The following NAA16 variants were observed in gnomAD, a reference collection of about 807,000 sequenced individuals.
The protein encoded by NAA16 is N-alpha-acetyltransferase 16, NatA auxiliary subunit.
A neutral mutation model predicts 110.3 loss-of-function variants in NAA16; 97 were observed. The ratio of observed to expected loss-of-function variants is 0.88; its 90% CI spans 0.75 to 1.04. The LOEUF (loss-of-function observed/expected upper bound fraction) is 1.04. Ranked by LOEUF, NAA16 falls within the 50% of genes least tolerant of loss-of-function variation. The pLI, the probability that NAA16 is intolerant of heterozygous loss-of-function variation, is 0.00. For synonymous variants in NAA16, 372 were observed against 330.6 expected (o/e 1.13, Z -1.36); for missense variants, 1,017 against 1,005.1 (o/e 1.01, Z -0.16).
intron 9 of NAA16, among the ~76,000 whole-genome samples, chr13:41,347,610 AG>A (rs2139460412): frequency 6.6e-6 from 1 of 152,256 alleles, no homozygotes; most frequent in Non-Finnish European, 1.5e-5. Context: ...ATGGTAGTCT[AG>A]ATGAAATTGT....
intron 9 of NAA16, among the ~76,000 whole-genome samples, chr13:41,350,844 T>TGGGCTCCTGGGCTTA (rs1033166984): frequency 1.3e-5 from 2 of 152,080 alleles, no homozygotes; most frequent in African/African-American, 4.8e-5. Context: ...AGGCTGGTCT[T>TGGGCTCCTGGGCTTA]GGGCTCCTGG....
intron 8 of NAA16, among the ~76,000 whole-genome samples, chr13:41,334,102 T>C (rs1005073542): frequency 1.3e-5 from 2 of 152,170 alleles, no homozygotes; most frequent in Non-Finnish European, 2.9e-5. Flanking sequence ...ATGATTTTTT[T>C]GCCTGTCTAG....
rs1302165115 is a variant in NAA16, at chr13:41,328,825, GA to G, written c.798del (p.Ala267LeufsTer7). ...AENWCYYEGL[E>X]KALQISTLEE... ...AAATTGGTGTTATTATGAAGGCTTG[GA>G]AAAAGCTCTACAAATTAGTATGTAA... is the stretch of plus-strand genomic sequence containing the variant. On this transcript the variant is annotated frameshift_variant, in exon 7 of 20. Coordinates refer to ENST00000379406, the MANE Select transcript of NAA16 (RefSeq NM_024561.5). LOFTEE classifies it high-confidence loss of function. The G allele has an allele frequency of 1.9e-6, 3 of 1,602,302 alleles. No homozygotes were observed. In the African/African-American group the frequency reaches 4.0e-5, roughly 21 times the overall value.
chr13:41,335,434 C>A (rs937844503), intron 8 of NAA16, among the ~76,000 whole-genome samples: 1 of 152,124 alleles, frequency 6.6e-6, no homozygotes, highest in East Asian at 1.9e-4. Context: ...TAAGAAACAG[C>A]GTCTCTTATT....
chr13:41,372,679 G>T, intron 16 of NAA16, 53 bp from the exon 17 acceptor site: 1 of 1,471,952 alleles, frequency 6.8e-7, no homozygotes. Flanking sequence ...ATAAAGTGAG[G>T]AAAATACTGT....
chr13:41,318,205 ATT>A (rs771469935), intron 2 of NAA16, among the ~76,000 whole-genome samples: 36 of 142,614 alleles, frequency 2.5e-4, no homozygotes, highest in African/African-American at 5.1e-4. Flanking sequence ...CTGCTTTGTA[ATT>A]TTTTTTTTTT....
Position 41,311,384 on chromosome 13 carries a change from C to G in NAA16, c.-145C>G. Reference sequence around the variant, plus strand: ...CACCCGTGCCGAACAGCCAGGCTGCCCAATTGCAACTGTAGACCAATGAAC... The same window carrying G: ...CACCCGTGCCGAACAGCCAGGCTGCGCAATTGCAACTGTAGACCAATGAAC... On this transcript the variant is annotated 5_prime_UTR_variant, in exon 1 of 20. Coordinates refer to ENST00000379406, the MANE Select transcript of NAA16 (RefSeq NM_024561.5). 1.4e-6 allele frequency: 1 copy of G among 725,046 alleles called. No individual in the cohort carries two copies. The highest frequency in any genetic ancestry group is 2.4e-4 in the Middle Eastern group (1 of 4,174). 44.9% of individuals were successfully genotyped at this position (725,046 alleles called of 1,614,324 possible).
At chr13:41,330,736 C>G (rs767321441) in intron 7 of NAA16, among the ~76,000 whole-genome samples, 3 of 151,898 alleles carry the variant, frequency 2.0e-5, no homozygotes, top group Non-Finnish European at 4.4e-5. Context: ...TAATTTATAT[C>G]TTTTGGAAGG....
chr13:41,320,823 G>A lies in NAA16; in HGVS notation c.401G>A (p.Arg134Gln), dbSNP rs1428409589. ...CAAATGAGAGACCTTGAAGGTTACC[G>A]AGTAAGTACTTCATTCTTAAATGTA... Reference protein sequence around the residue: ...QIQMRDLEGYRETRYQLLQLR... With the variant: ...QIQMRDLEGYQETRYQLLQLR... The change falls in exon 4 of 20, where the codon CGA becomes CAA. Residue 134 changes from arginine to glutamine, a missense_variant and splice_region_variant. Coordinates refer to ENST00000379406, the MANE Select transcript of NAA16 (RefSeq NM_024561.5). 1.6e-5 allele frequency: 25 copies of A among 1,591,410 alleles called. No individual in the cohort carries two copies. The highest frequency in any genetic ancestry group is 2.0e-5 in the Non-Finnish European group (24 of 1,172,914).
intron 8 of NAA16, 113 bp downstream of exon 8, chr13:41,331,482 G>T: frequency 1.5e-6 from 1 of 669,596 alleles, no homozygotes; most frequent in Admixed American, 2.8e-5. Context: ...CAGTCTTGGA[G>T]TTGGGAGTGA....
intron 13 of NAA16, chr13:41,362,665 T>C (rs2043136517): frequency 7.9e-7 from 1 of 1,259,328 alleles, no homozygotes. Context: ...TGATGTGCCT[T>C]AGTGAGGGGA....
intron 10 of NAA16, among the ~76,000 whole-genome samples, chr13:41,355,573 G>C (rs1430330411): frequency 1.3e-5 from 2 of 152,160 alleles, no homozygotes; most frequent in Non-Finnish European, 2.9e-5. Context: ...GGGATTACAG[G>C]CGCCTGCCAC....
intron 18 of NAA16, 135 bp from the exon 19 acceptor site, chr13:41,374,607 T>C (rs1022672630): frequency 5.1e-6 from 3 of 584,022 alleles, no homozygotes; most frequent in Non-Finnish European, 9.0e-6. Context: ...TTGGCTCTCT[T>C]GAGCTGGTAG....
intron 13 of NAA16, among the ~76,000 whole-genome samples, chr13:41,364,315 A>G (rs1265224992): frequency 1.3e-5 from 2 of 152,180 alleles, no homozygotes; most frequent in East Asian, 3.8e-4. Flanking sequence ...GTCAGGATAC[A>G]TACTGCTTTG....
chr13:41,369,210 A>C lies in NAA16; in HGVS notation c.1874A>C (p.Lys625Thr). 1 of 1,598,350 alleles carries C rather than the reference A, an allele frequency of 6.3e-7. No homozygotes were observed. The highest frequency in any genetic ancestry group is 1.8e-5 in the Admixed American group (1 of 56,744). Residue 625 changes from lysine to threonine, a missense_variant, in exon 15 of 20, where the codon AAG becomes ACG. Physicochemically the swap from Lys to Thr is moderately conservative, Grantham distance 78. Coordinates refer to ENST00000379406, the MANE Select transcript of NAA16 (RefSeq NM_024561.5). ...AERERQQKNQ[K>T]KKRDEEEEEA... ...AGAGAACGTCAACAGAAAAATCAAA[A>C]GAAAAAAAGAGATGAAGAAGAAGAA...
intron 6 of NAA16, among the ~76,000 whole-genome samples, chr13:41,327,586 C>A (rs1301110144): frequency 6.6e-6 from 1 of 151,628 alleles, no homozygotes; most frequent in African/African-American, 2.4e-5. Flanking sequence ...TAGTATACAC[C>A]GTGAATGCAT....
chr13:41,358,938 G>A lies in NAA16; in HGVS notation c.1386G>A (p.Glu462=), dbSNP rs1593511043. The A allele has an allele frequency of 1.2e-6, 2 of 1,609,170 alleles. No individual in the cohort carries two copies. Among genetic ancestry groups the A allele is most frequent in the Non-Finnish European group, 8.5e-7 (1 of 1,176,680 alleles). Residue 462 remains glutamate (E), a synonymous_variant, in exon 12 of 20, where the codon GAG becomes GAA. Transcript: ENST00000379406. ...MLRANMIKEA[E]EMCSKFTREG... is the part of the protein sequence containing the mutation. Reference sequence around the variant, plus strand: ...GAGCAAATATGATAAAAGAAGCAGAGGAAATGTGCTCCAAGTTCACAAGGG... The same window carrying A: ...GAGCAAATATGATAAAAGAAGCAGAAGAAATGTGCTCCAAGTTCACAAGGG...
At chr13:41,346,372 A>G (rs2042680711) in intron 9 of NAA16, among the ~76,000 whole-genome samples, 1 of 152,142 alleles carries the variant, frequency 6.6e-6, no homozygotes, top group Non-Finnish European at 1.5e-5. Context: ...TTATTCTTTT[A>G]TGAGATTGTT....
At chr13:41,348,252 C>T (rs996999861) in intron 9 of NAA16, among the ~76,000 whole-genome samples, 1 of 152,080 alleles carries the variant, frequency 6.6e-6, no homozygotes, top group South Asian at 2.1e-4. Context: ...ACTGCAACCT[C>T]CACCTCGCGG....
Sources: gnomAD v4.1 joint callset for allele counts (sites outside exome capture counted in the v4.1 genomes callset) on GRCh38, gnomAD v4.1.1 for gene constraint, MANE v1.5 for transcripts, NCBI Gene and HGNC (gene_info 2026-07-23, HGNC 2026-07-21) for gene names.